TMEM161B: variants seen among roughly 807,000 people sequenced by gnomAD.
The protein encoded by TMEM161B is transmembrane protein 161B.
TMEM161B carries 34 observed loss-of-function variants against 61.8 expected under a neutral mutation model. The ratio of observed to expected loss-of-function variants is 0.55; its 90% CI spans 0.42 to 0.73. TMEM161B has a LOEUF of 0.73. Among genes scored for constraint, TMEM161B ranks in the 30% least tolerant of loss-of-function variants. TMEM161B has a pLI of 0.00. For missense variants in TMEM161B, 456 were observed against 558.5 expected, an observed-to-expected ratio of 0.82 and a Z score of 1.85; for synonymous variants, 167 against 192.8, an observed-to-expected ratio of 0.87 and a Z score of 1.11.
chr5:88,242,423 A>G (rs1752892422), intron 1 of TMEM161B, among the ~76,000 whole-genome samples: 1 of 151,774 alleles, frequency 6.6e-6, no homozygotes, highest in Non-Finnish European at 1.5e-5. Context: ...CTAGCCAAGT[A>G]CTCCAAAAAT....
intron 2 of TMEM161B, among the ~76,000 whole-genome samples, chr5:88,230,118 C>T (rs899023584): frequency 6.6e-6 from 1 of 151,906 alleles, no homozygotes; most frequent in Non-Finnish European, 1.5e-5. Flanking sequence ...CCTGAGAAGT[C>T]AAGGCTGTAA....
chr5:88,203,797 ATATATATATATATATAT>A (rs1744913394), intron 8 of TMEM161B, among the ~76,000 whole-genome samples: 52 of 38,096 alleles, frequency 1.4e-3, no homozygotes, highest in African/African-American at 2.3e-3. Context: ...ATATATATAT[ATATATATATATATATAT>A]AATTTGCATT....
At chr5:88,254,848 A>C (rs1276539379) in intron 1 of TMEM161B, among the ~76,000 whole-genome samples, 1 of 152,026 alleles carries the variant, frequency 6.6e-6, no homozygotes, top group Non-Finnish European at 1.5e-5. Context: ...ACTGTAAAAA[A>C]AATTTTAAGG....
chr5:88,216,788 C>A (rs1022560635), intron 5 of TMEM161B, among the ~76,000 whole-genome samples: 1 of 152,142 alleles, frequency 6.6e-6, no homozygotes, highest in Non-Finnish European at 1.5e-5. Flanking sequence ...CTCATTCTCA[C>A]AATCTGACTA....
chr5:88,249,064 TG>T (rs1221669128), intron 1 of TMEM161B, among the ~76,000 whole-genome samples: 2 of 152,092 alleles, frequency 1.3e-5, no homozygotes, highest in African/African-American at 2.4e-5. Context: ...CCACGCAAAC[TG>T]GGTACAACTC....
At chr5:88,229,065 T>A (rs1750547800) in intron 2 of TMEM161B, among the ~76,000 whole-genome samples, 1 of 152,212 alleles carries the variant, frequency 6.6e-6, no homozygotes. Flanking sequence ...TTTAGCTATA[T>A]CTAACCTTCC....
At chr5:88,243,009 TA>T (rs1561400966) in intron 1 of TMEM161B, among the ~76,000 whole-genome samples, 1 of 151,674 alleles carries the variant, frequency 6.6e-6, no homozygotes. Flanking sequence ...TTGCCTAATT[TA>T]AAAAAGAAAA....
At position 88,206,423 on chromosome 5, in the gene TMEM161B, T is replaced by G. The variant is rs760398812; in HGVS notation, c.659+16A>C. 1 of 1,580,926 alleles carries G rather than the reference T, an allele frequency of 6.3e-7. No homozygotes were observed. The highest frequency in any genetic ancestry group is 1.2e-5 in the South Asian group (1 of 85,622). ...AAGGTTAAATTTAAATAATGCTTAA[T>G]TTTTCAAAAACTTACTGAGATTCTA... On this transcript the variant is annotated intron_variant, in intron 7 of 11. Coordinates refer to ENST00000296595, the MANE Select transcript of TMEM161B (RefSeq NM_153354.5).
At chr5:88,267,271 C>T (rs191397068) in intron 1 of TMEM161B, among the ~76,000 whole-genome samples, 248 of 152,142 alleles carry the variant, frequency 1.6e-3, no homozygotes, top group Middle Eastern at 3.4e-3. Context: ...GTTCTGTTTT[C>T]CCTATCCTTG....
chr5:88,224,317 A>G (rs1385495690), intron 4 of TMEM161B, among the ~76,000 whole-genome samples: 1 of 152,206 alleles, frequency 6.6e-6, no homozygotes, highest in Non-Finnish European at 1.5e-5. Flanking sequence ...TAGGGAATCT[A>G]TTTCAAAGAA....
At chr5:88,258,232 G>T (rs1383691476) in intron 1 of TMEM161B, among the ~76,000 whole-genome samples, 1 of 152,142 alleles carries the variant, frequency 6.6e-6, no homozygotes, top group African/African-American at 2.4e-5. Context: ...AACATATTTT[G>T]TTGGCAATTA....
At chr5:88,193,135 T>A (rs919502126), downstream of TMEM161B, among the ~76,000 whole-genome samples, 2 of 152,132 alleles carry the variant, frequency 1.3e-5, no homozygotes, top group Admixed American at 1.3e-4. Context: ...ACATGGATAT[T>A]AAGATAAAAT....
intron 1 of TMEM161B, among the ~76,000 whole-genome samples, chr5:88,243,025 T>C (rs1042994921): frequency 1.3e-5 from 2 of 151,634 alleles, no homozygotes; most frequent in Non-Finnish European, 3.0e-5. Flanking sequence ...AGAAAAAATA[T>C]GTACAGACAG....
chr5:88,199,439 A>T, intron 9 of TMEM161B: 1 of 211,392 alleles, frequency 4.7e-6, no homozygotes, highest in African/African-American at 2.3e-5. Context: ...ATGGATAAAA[A>T]CTGGCTGTGA....
At chr5:88,187,763 G>A (rs1044318872), downstream of TMEM161B, among the ~76,000 whole-genome samples, 5 of 44,540 alleles carry the variant, frequency 1.1e-4, no homozygotes, top group East Asian at 5.1e-4. Flanking sequence ...TGGAACAATC[G>A]TTTTTAGCTT....
chr5:88,255,848 G>A (rs945561240), intron 1 of TMEM161B, among the ~76,000 whole-genome samples: 4 of 151,840 alleles, frequency 2.6e-5, no homozygotes, highest in African/African-American at 9.7e-5. Flanking sequence ...AGGTCAAAAA[G>A]CATAAATCCT....
intron 7 of TMEM161B, 122 bp downstream of exon 7, chr5:88,206,317 T>G (rs1218886041): frequency 1.3e-6 from 1 of 769,310 alleles, no homozygotes; most frequent in Non-Finnish European, 2.0e-6. Flanking sequence ...AGGATGTTTC[T>G]AGAAGTGACA....
At chr5:88,258,573 T>TA (rs1207705619) in intron 1 of TMEM161B, among the ~76,000 whole-genome samples, 3 of 152,138 alleles carry the variant, frequency 2.0e-5, no homozygotes, top group Admixed American at 2.0e-4. Context: ...CACGAATACT[T>TA]AAATACATAT....
At chr5:88,225,203 A>G (rs540060575) in intron 4 of TMEM161B, among the ~76,000 whole-genome samples, 63 of 152,050 alleles carry the variant, frequency 4.1e-4, no homozygotes, top group East Asian at 1.6e-3. Flanking sequence ...TCCTGACCTC[A>G]TGATCCGCCC....
Sources: allele counts gnomAD v4.1 joint callset (sites outside exome capture counted in the v4.1 genomes callset), GRCh38; gene constraint gnomAD v4.1.1; transcripts MANE v1.5; gene names NCBI Gene and HGNC (gene_info 2026-07-23, HGNC 2026-07-21).